PALM2AKAP2: variants seen among roughly 807,000 people sequenced by gnomAD.
PALM2AKAP2 encodes the protein PALM2-AKAP2 fusion protein.
In PALM2AKAP2, 37 loss-of-function variants were observed where a neutral mutation model predicts 71.5. The observed-to-expected ratio is 0.52, with a 90% CI of 0.40 to 0.68. The LOEUF (loss-of-function observed/expected upper bound fraction) is 0.68, where lower values mean the gene tolerates loss of function less well. Among genes scored for constraint, PALM2AKAP2 ranks in the 30% least tolerant of loss-of-function variants. PALM2AKAP2 has a pLI of 0.00. For missense variants in PALM2AKAP2, 1,224 were observed against 1,191.8 expected (o/e 1.03, Z -0.40); for synonymous variants, 468 against 478.8 (o/e 0.98, Z 0.29).
At chr9:109,990,276 T>G (rs1832453589) in intron 6 of PALM2AKAP2, among the ~76,000 whole-genome samples, 1 of 152,078 alleles carries the variant, frequency 6.6e-6, no homozygotes, top group South Asian at 2.1e-4. Flanking sequence ...GCAAGGCTGG[T>G]CTCGAACTTC....
chr9:109,965,137 C>A (rs887867906), intron 6 of PALM2AKAP2, among the ~76,000 whole-genome samples: 1 of 152,174 alleles, frequency 6.6e-6, no homozygotes, highest in Non-Finnish European at 1.5e-5. Context: ...ACACATGGCC[C>A]TGGAAAAGTC....
chr9:110,000,462 G>A (rs541921840), intron 6 of PALM2AKAP2, among the ~76,000 whole-genome samples: 71 of 152,114 alleles, frequency 4.7e-4, no homozygotes, highest in Middle Eastern at 3.4e-3. Context: ...GAATACTGCC[G>A]CAATAAACAT....
intron 1 of PALM2AKAP2, among the ~76,000 whole-genome samples, chr9:109,768,005 GT>G (rs1829186257): frequency 1.6e-5 from 2 of 122,074 alleles, no homozygotes; most frequent in African/African-American, 8.7e-5. Flanking sequence ...GCAAAGGCAG[GT>G]AGGTAGGAAG....
At chr9:110,102,840 C>T (rs746812007) in intron 1 of PALM2AKAP2, among the ~76,000 whole-genome samples, 1 of 152,180 alleles carries the variant, frequency 6.6e-6, no homozygotes, top group Non-Finnish European at 1.5e-5. Context: ...TCTTCCTCCT[C>T]GAGCCCCTTA....
chr9:109,696,316 T>C (rs1827969796), intron 1 of PALM2AKAP2, among the ~76,000 whole-genome samples: 1 of 152,146 alleles, frequency 6.6e-6, no homozygotes. Flanking sequence ...GAAATGGAAA[T>C]AAAAATAGCT....
At chr9:109,814,081 C>G (rs1235437874) in intron 1 of PALM2AKAP2, among the ~76,000 whole-genome samples, 1 of 152,238 alleles carries the variant, frequency 6.6e-6, no homozygotes, top group Non-Finnish European at 1.5e-5. Flanking sequence ...TGACTTGACT[C>G]ATTCTCCAGC....
intron 6 of PALM2AKAP2, among the ~76,000 whole-genome samples, chr9:110,011,175 G>T (rs1174762021): frequency 6.9e-6 from 1 of 145,462 alleles, no homozygotes; most frequent in East Asian, 2.0e-4. Context: ...TTATATGTAT[G>T]GAATATATAT....
intron 1 of PALM2AKAP2, among the ~76,000 whole-genome samples, chr9:109,810,918 G>A (rs995917858): frequency 1.3e-5 from 2 of 152,140 alleles, no homozygotes; most frequent in African/African-American, 4.8e-5. Context: ...GTGGTGGCTT[G>A]GTCTGTGGAT....
At chr9:109,877,219 A>G (rs1829741040) in intron 2 of PALM2AKAP2, among the ~76,000 whole-genome samples, 1 of 152,122 alleles carries the variant, frequency 6.6e-6, no homozygotes. Context: ...TAGCACAGGA[A>G]GCACCCTGAA....
intron 6 of PALM2AKAP2, among the ~76,000 whole-genome samples, chr9:109,965,207 T>C (rs1489867962): frequency 1.3e-5 from 2 of 152,214 alleles, no homozygotes; most frequent in Admixed American, 6.5e-5. Flanking sequence ...CTACGATAGA[T>C]TTGTATGGAG....
At chr9:109,645,776 G>A (rs1388635438) in intron 1 of PALM2AKAP2, among the ~76,000 whole-genome samples, 1 of 152,100 alleles carries the variant, frequency 6.6e-6, no homozygotes, top group Non-Finnish European at 1.5e-5. Context: ...GAAGGCACAA[G>A]GGTTGAAAAA....
At chr9:110,111,156 A>G (rs891845051) in intron 1 of PALM2AKAP2, among the ~76,000 whole-genome samples, 3 of 130,680 alleles carry the variant, frequency 2.3e-5, no homozygotes, top group Non-Finnish European at 4.6e-5. Flanking sequence ...CAGTGGCAAG[A>G]TTACGGCTCA....
At chr9:109,942,650 G>T (rs200223091) in intron 6 of PALM2AKAP2, 10 of 1,509,120 alleles carry the variant, frequency 6.6e-6, no homozygotes, top group Admixed American at 2.3e-5. Context: ...TTTTTTTGTT[G>T]TAACATGCAC....
chr9:110,062,660 AAC>A (rs1276055365), intron 1 of PALM2AKAP2, among the ~76,000 whole-genome samples: 2 of 152,202 alleles, frequency 1.3e-5, no homozygotes, highest in African/African-American at 2.4e-5. Flanking sequence ...CAATGGTTTC[AAC>A]AGTGATTTCT....
intron 1 of PALM2AKAP2, among the ~76,000 whole-genome samples, chr9:109,761,970 G>T (rs1371713890): frequency 6.6e-6 from 1 of 152,128 alleles, no homozygotes; most frequent in African/African-American, 2.4e-5. Flanking sequence ...AGAAATGCGA[G>T]TCAAAACCAC....
At chr9:109,697,778 C>A (rs1252142217) in intron 1 of PALM2AKAP2, among the ~76,000 whole-genome samples, 1 of 152,132 alleles carries the variant, frequency 6.6e-6, no homozygotes, top group Non-Finnish European at 1.5e-5. Flanking sequence ...TAAACACTTC[C>A]CTTATAGATA....
chr9:109,780,423 T>G, upstream of PALM2AKAP2: 7 of 1,611,986 alleles, frequency 4.3e-6, no homozygotes, highest in Middle Eastern at 4.4e-4. Context: ...CCCATCAGTT[T>G]CCTTGGGTGA....
intron 1 of PALM2AKAP2, among the ~76,000 whole-genome samples, chr9:110,077,671 A>G (rs1004234958): frequency 6.6e-6 from 1 of 152,164 alleles, no homozygotes; most frequent in Non-Finnish European, 1.5e-5. Flanking sequence ...ATACATCTTG[A>G]TTTAGAATAG....
intron 6 of PALM2AKAP2, among the ~76,000 whole-genome samples, chr9:109,965,789 T>C (rs1343944765): frequency 6.6e-6 from 1 of 152,080 alleles, no homozygotes; most frequent in Admixed American, 6.6e-5. Flanking sequence ...TTGAAGATAC[T>C]CAGGGGGAAA....
Sources: allele counts gnomAD v4.1 joint callset (sites outside exome capture counted in the v4.1 genomes callset), GRCh38; gene constraint gnomAD v4.1.1; transcripts MANE v1.5; gene names NCBI Gene and HGNC (gene_info 2026-07-23, HGNC 2026-07-21).